Variants in NR1H3 observed in about 807,000 individuals in gnomAD.
NR1H3 encodes the protein oxysterols receptor LXR-alpha.
A neutral mutation model predicts 48.1 loss-of-function variants in NR1H3; 19 were observed. The observed-to-expected ratio is 0.40, with a 90% CI of 0.28 to 0.58. The LOEUF (loss-of-function observed/expected upper bound fraction) is 0.58. NR1H3 is among the 20% of genes least tolerant of loss of function. The pLI is 0.50. For missense variants in NR1H3, 486 were observed against 595.9 expected, an observed-to-expected ratio of 0.82 and a Z score of 1.92; for synonymous variants, 232 against 227.3, an observed-to-expected ratio of 1.02 and a Z score of -0.19.
intron 6 of NR1H3, 65 bp from the exon 7 acceptor site, chr11:47,261,854 G>A (rs775866914): frequency 2.1e-5 from 33 of 1,587,778 alleles, no homozygotes; most frequent in Non-Finnish European, 2.9e-5. Flanking sequence ...CGGCCTCCCT[G>A]GAAGAGGCCA....
intron 3 of NR1H3, 54 bp downstream of exon 3, chr11:47,260,033 T>C (rs1955659489): frequency 2.1e-6 from 3 of 1,406,328 alleles, no homozygotes; most frequent in Admixed American, 3.0e-5. Flanking sequence ...AGGTCCTGGA[T>C]CTGGAAGAGG....
At chr11:47,260,106 C>G in intron 3 of NR1H3, 127 bp downstream of exon 3, 2 of 883,686 alleles carry the variant, frequency 2.3e-6, no homozygotes, top group Non-Finnish European at 3.3e-6. Flanking sequence ...TTAGAGCTAA[C>G]TAAATCTGAC....
chr11:47,259,880 A>G lies in NR1H3; in HGVS notation c.133A>G (p.Arg45Gly). The change falls in exon 3 of 10, where the codon AGG becomes GGG. Residue 45 changes from arginine to glycine, a missense_variant. Arg to Gly is a moderately radical substitution (Grantham distance 125, BLOSUM62 -2). Transcript: ENST00000441012. Reference sequence around the variant, plus strand: ...CAGCTGCATCCTCAGAGAGGAAGCCAGGATGCCCCACTCTGCTGGGGGTAC... The same window carrying G: ...CAGCTGCATCCTCAGAGAGGAAGCCGGGATGCCCCACTCTGCTGGGGGTAC... ...GSSCILREEA[R>G]MPHSAGGTAG... 6.2e-7 allele frequency: 1 copy of G among 1,613,082 alleles called. No individual in the cohort carries two copies. The highest frequency in any genetic ancestry group is 8.5e-7 in the Non-Finnish European group (1 of 1,179,918).
At chr11:47,259,567 A>G (rs1955605463) in intron 2 of NR1H3, 1 of 1,464,336 alleles carries the variant, frequency 6.8e-7, no homozygotes, top group Non-Finnish European at 9.0e-7. Flanking sequence ...CAGCCCCCCA[A>G]AGGGACAAGG....
chr11:47,254,603 G>A (rs1252151969), upstream of NR1H3, among the ~76,000 whole-genome samples: 1 of 152,138 alleles, frequency 6.6e-6, no homozygotes, highest in East Asian at 1.9e-4. Flanking sequence ...ACCTTGTGAT[G>A]AGGGGGAACA....
chr11:47,264,424 C>T (rs1443133496), intron 7 of NR1H3, among the ~76,000 whole-genome samples: 3 of 152,230 alleles, frequency 2.0e-5, no homozygotes, highest in Non-Finnish European at 2.9e-5. Flanking sequence ...GCTATGTTGG[C>T]ACCTTTTGCC....
chr11:47,255,256 A>G (rs1438206960), upstream of NR1H3, among the ~76,000 whole-genome samples: 2 of 152,212 alleles, frequency 1.3e-5, no homozygotes, highest in Admixed American at 1.3e-4. Context: ...CAGCCCAGCC[A>G]CTAACTGTGT....
chr11:47,256,096 G>A (rs1955147868), upstream of NR1H3, among the ~76,000 whole-genome samples: 1 of 151,422 alleles, frequency 6.6e-6, no homozygotes, highest in African/African-American at 2.4e-5. Flanking sequence ...ACCCAGGCTG[G>A]AGTGTGGTGG....
rs1373732679 is a variant in NR1H3 at position 47,259,952 on chromosome 11, A to G, written c.205A>G (p.Arg69Gly). ...EAAEPTALLT[R>G]AEPPSEPTEI... is the part of the protein sequence containing the mutation. ...TGCAGAGCCCACAGCCCTGCTCACCAGGGCAGAGCCCCCTTCAGAACCCAC... is the reference window on the plus strand; with the variant it reads ...TGCAGAGCCCACAGCCCTGCTCACCGGGGCAGAGCCCCCTTCAGAACCCAC... Residue 69 changes from arginine to glycine, a missense_variant, in exon 3 of 10, where the codon AGG becomes GGG. Transcript: ENST00000441012. The G allele has an allele frequency of 6.4e-7, 1 of 1,563,644 alleles. No homozygotes were observed.
intron 1 of NR1H3, among the ~76,000 whole-genome samples, chr11:47,252,750 C>CTT (rs759933147): frequency 2.9e-5 from 4 of 136,872 alleles, no homozygotes; most frequent in Admixed American, 1.5e-4. Context: ...ATTTTTTTGG[C>CTT]TTTTTTTTTT....
rs1270697489 is a variant in NR1H3, at chr11:47,261,463, C to A, written c.708+14C>A. 2 of 1,612,738 alleles carry A rather than the reference C, an allele frequency of 1.2e-6. No homozygotes were observed. Among genetic ancestry groups the A allele is most frequent in the Non-Finnish European group, 8.5e-7 (1 of 1,178,870 alleles). On this transcript the variant is annotated intron_variant, in intron 5 of 9. Coordinates refer to ENST00000441012, the MANE Select transcript of NR1H3 (RefSeq NM_005693.4). The stretch of plus-strand genomic sequence containing the variant: ...CTTCGAGTCACGGTACTTGACACAC[C>A]TGGGGAGAGGCGGCTGCGCCCAGAT...
In NR1H3 at chr11:47,260,572, C is replaced by T. The variant is rs1955730094; in HGVS notation, c.396C>T (p.Tyr132=). The change falls in exon 4 of 10, where the codon TAC becomes TAT. Residue 132 remains tyrosine (Y), a synonymous_variant. Transcript: ENST00000441012. ...FRRSVIKGAH[Y]ICHSGGHCPM... ...GCAGCGTCATCAAGGGAGCGCACTA[C>T]ATCTGCCACAGTGGCGGCCACTGCC... is the stretch of plus-strand genomic sequence containing the variant. 2 of 1,614,224 alleles carry T rather than the reference C, an allele frequency of 1.2e-6. No homozygotes were observed. Among genetic ancestry groups the T allele is most frequent in the Non-Finnish European group, 1.7e-6 (2 of 1,180,056 alleles).
At chr11:47,260,902 T>C (rs1955775309) in intron 4 of NR1H3, among the ~76,000 whole-genome samples, 1 of 151,868 alleles carries the variant, frequency 6.6e-6, no homozygotes, top group African/African-American at 2.4e-5. Context: ...CTGGCCAACA[T>C]AGTGAAACCC....
intron 7 of NR1H3, among the ~76,000 whole-genome samples, chr11:47,266,723 C>A (rs529730012): frequency 5.0e-4 from 75 of 151,426 alleles, no homozygotes; most frequent in Middle Eastern, 6.8e-3. Flanking sequence ...CTTACTGCAA[C>A]CTCCGCCTCC....
intron 4 of NR1H3, 46 bp downstream of exon 4, chr11:47,260,721 G>T (rs1390130886): frequency 7.8e-6 from 12 of 1,544,192 alleles, no homozygotes; most frequent in Admixed American, 1.9e-5. Context: ...GGGGAAAGAG[G>T]GGGCCAGGGT....
upstream of NR1H3, chr11:47,248,339 G>A: frequency 2.5e-6 from 3 of 1,194,034 alleles, no homozygotes; most frequent in Non-Finnish European, 3.5e-6. Flanking sequence ...GAGACCATAG[G>A]CAAAGCCAAG....
chr11:47,268,081 AGGTCCCACAGGAATC>A, intron 8 of NR1H3, 55 bp downstream of exon 8: 2 of 1,092,660 alleles, frequency 1.8e-6, no homozygotes, highest in Non-Finnish European at 2.7e-6. Flanking sequence ...GGAGGGCTGC[AGGTCCCACAGGAATC>A]GGTGGGGGGA....
At chr11:47,257,849 G>T, upstream of NR1H3, 1 of 982,200 alleles carries the variant, frequency 1.0e-6, no homozygotes, top group Non-Finnish European at 1.2e-6. Flanking sequence ...CGGCTGGGGA[G>T]GAGCCAGCCT....
chr11:47,255,437 T>C (rs1954985817), upstream of NR1H3, among the ~76,000 whole-genome samples: 1 of 152,176 alleles, frequency 6.6e-6, no homozygotes, highest in African/African-American at 2.4e-5. Flanking sequence ...GTTAAAGCAA[T>C]GGGAAGACCT....
Sources: gnomAD v4.1 joint callset for allele counts (sites outside exome capture counted in the v4.1 genomes callset) on GRCh38, gnomAD v4.1.1 for gene constraint, MANE v1.5 for transcripts, NCBI Gene and HGNC (gene_info 2026-07-23, HGNC 2026-07-21) for gene names.